Variants in CPAMD8 observed in about 807,000 individuals in gnomAD.
CPAMD8 encodes the protein C3 and PZP-like alpha-2-macroglobulin domain-containing protein 8.
CPAMD8 carries 146 observed loss-of-function variants against 224.7 expected under a neutral mutation model. That is an observed-to-expected ratio of 0.65 (90% confidence interval 0.57 to 0.75). The LOEUF is 0.75. Ranked by LOEUF, CPAMD8 falls within the 30% of genes least tolerant of loss-of-function variation. The pLI is 0.00. For missense variants in CPAMD8, 2,301 were observed against 2,537.5 expected (o/e 0.91, Z 2.00); for synonymous variants, 966 against 1,044.6 (o/e 0.92, Z 1.45).
chr19:16,946,705 T>C (rs1326839194), intron 21 of CPAMD8, among the ~76,000 whole-genome samples: 1 of 147,328 alleles, frequency 6.8e-6, no homozygotes, highest in Non-Finnish European at 1.5e-5. Flanking sequence ...TGTGTGTGGA[T>C]TTGTGGTGTG....
rs1288339469 is a variant in CPAMD8 at position 16,914,646 on chromosome 19, G to A, written c.3786+11C>T. ...GAGGGGCCCGGGAAGGAGGCTCAAG[G>A]GGCCACTCACCTGGATGTCCTTGTT... On this transcript the variant is annotated intron_variant, in intron 28 of 41. Transcript: ENST00000443236. The A allele has an allele frequency of 1.2e-6, 2 of 1,613,808 alleles. No homozygotes were observed. Among genetic ancestry groups the A allele is most frequent in the Admixed American group, 3.3e-5 (2 of 60,000 alleles).
At position 17,009,469 on chromosome 19, in the gene CPAMD8, ACCCC is replaced by A. The variant is rs1366193998; in HGVS notation, c.487-153_487-150del. 3.4e-5 allele frequency: 46 copies of A among 1,361,742 alleles called. 1 individual carries two copies. The highest frequency in any genetic ancestry group is 1.9e-4 in the Middle Eastern group (1 of 5,316). 84.4% of individuals were successfully genotyped at this position (1,361,742 alleles called of 1,614,324 possible). A position where few individuals can be genotyped will look rare whatever the true frequency, so the allele number is the denominator to read the frequency against. On this transcript the variant is annotated intron_variant, in intron 5 of 41. Transcript: ENST00000443236. ...CCTAGATTACATCCGTTGAATCCTA[ACCCC>A]AAGTAGGGTCTTTAGAAAGACTCAT...
intron 10 of CPAMD8, among the ~76,000 whole-genome samples, chr19:16,998,840 A>G (rs2056217858): frequency 6.6e-6 from 1 of 152,212 alleles, no homozygotes; most frequent in Non-Finnish European, 1.5e-5. Flanking sequence ...AGAACCCAAG[A>G]GAAACAAAAA....
chr19:16,968,763 C>A (rs1282231925), intron 18 of CPAMD8, among the ~76,000 whole-genome samples: 3 of 152,122 alleles, frequency 2.0e-5, no homozygotes, highest in Non-Finnish European at 4.4e-5. Flanking sequence ...TCTCAGCCTC[C>A]CAAGTAGCTG....
At chr19:17,001,409 C>T (rs1484926676) in intron 9 of CPAMD8, among the ~76,000 whole-genome samples, 3 of 101,930 alleles carry the variant, frequency 2.9e-5, no homozygotes, top group African/African-American at 4.4e-5. Flanking sequence ...GGGAGGCCTG[C>T]AGAGGGCGGG....
At chr19:16,971,070 A>G in intron 17 of CPAMD8, 37 bp from the exon 18 acceptor site, 1 of 1,555,502 alleles carries the variant, frequency 6.4e-7, no homozygotes, top group Non-Finnish European at 8.7e-7. Context: ...TTGGTGGGGA[A>G]GTGGATGCTG....
intron 17 of CPAMD8, among the ~76,000 whole-genome samples, chr19:16,972,118 A>G (rs975461227): frequency 6.6e-6 from 1 of 152,170 alleles, no homozygotes; most frequent in Admixed American, 6.6e-5. Context: ...TTGGCGCAGT[A>G]CCTGACCCCA....
At chr19:16,969,386 C>T (rs986811680) in intron 18 of CPAMD8, among the ~76,000 whole-genome samples, 11 of 152,136 alleles carry the variant, frequency 7.2e-5, no homozygotes, top group Non-Finnish European at 1.3e-4. Flanking sequence ...AGGGATGCTG[C>T]TCAACACTCT....
chr19:16,931,850 C>T (rs192511430), intron 23 of CPAMD8, among the ~76,000 whole-genome samples: 1 of 152,264 alleles, frequency 6.6e-6, no homozygotes, highest in East Asian at 1.9e-4. Flanking sequence ...CTAAAGAAAT[C>T]ATATGGAGAC....
At position 16,943,006 on chromosome 19, in the gene CPAMD8, TTTTTC is replaced by T. The variant is rs1425711531; in HGVS notation, c.2793+2538_2793+2542del. 5.2e-3 allele frequency among the ~76,000 whole-genome samples: 669 copies of T among 129,386 alleles called. 3 individuals carry two copies. The highest frequency in any genetic ancestry group is 0.02 in the African/African-American group (619 of 30,320). The allele number at this position is 129,386 out of a possible 152,430, so 84.9% of individuals were successfully genotyped here. On this transcript the variant is annotated intron_variant, in intron 22 of 41. Transcript: ENST00000443236. ...TGTGTTTGACTTTTTTCTTTTTTCT[TTTTTC>T]TTTTTTTTTTTTTTGAGACAGGGTC...
intron 18 of CPAMD8, 98 bp from the exon 19 acceptor site, chr19:16,958,013 G>A (rs772699004): frequency 2.8e-5 from 31 of 1,101,810 alleles, no homozygotes; most frequent in East Asian, 1.2e-4. Context: ...GATATAACGC[G>A]TTAATTTCTT....
intron 22 of CPAMD8, among the ~76,000 whole-genome samples, chr19:16,938,840 G>A (rs1051942451): frequency 6.6e-6 from 1 of 152,214 alleles, no homozygotes; most frequent in Non-Finnish European, 1.5e-5. Flanking sequence ...CGTGAGCACT[G>A]TGAGAGGGGC....
chr19:16,993,640 C>T, intron 11 of CPAMD8, 54 bp from the exon 12 acceptor site: 2 of 1,533,528 alleles, frequency 1.3e-6, no homozygotes, highest in Non-Finnish European at 1.8e-6. Context: ...GCTCCCCAAA[C>T]TGATCTGCAG....
chr19:16,965,314 A>G (rs1004850359), intron 18 of CPAMD8, among the ~76,000 whole-genome samples: 4 of 152,118 alleles, frequency 2.6e-5, no homozygotes, highest in African/African-American at 9.7e-5. Flanking sequence ...AAAACTCTCA[A>G]TAAACTAGGT....
intron 25 of CPAMD8, 149 bp from the exon 26 acceptor site, chr19:16,925,521 C>A (rs2053329461): frequency 3.2e-6 from 2 of 630,184 alleles, no homozygotes; most frequent in South Asian, 2.0e-5. Flanking sequence ...CCTGCTCAGA[C>A]CAGCTGGTGT....
At chr19:16,936,570 T>A (rs1345125280) in intron 23 of CPAMD8, among the ~76,000 whole-genome samples, 1 of 151,078 alleles carries the variant, frequency 6.6e-6, no homozygotes, top group African/African-American at 2.4e-5. Flanking sequence ...GCCTGGCTAA[T>A]TTTTTTTTGT....
chr19:17,008,701 G>C, intron 6 of CPAMD8, 142 bp from the exon 7 acceptor site: 1 of 936,552 alleles, frequency 1.1e-6, no homozygotes, highest in East Asian at 2.4e-5. Context: ...TTAACCCCGG[G>C]GCAAAAAAAA....
intron 3 of CPAMD8, among the ~76,000 whole-genome samples, chr19:17,012,161 G>GGT (rs1229633000): frequency 6.6e-6 from 1 of 151,928 alleles, no homozygotes; most frequent in African/African-American, 2.4e-5. Flanking sequence ...TGGGATTACA[G>GGT]GTGTGTGTCA....
At chr19:16,939,068 T>G (rs565915495) in intron 22 of CPAMD8, among the ~76,000 whole-genome samples, 9 of 152,286 alleles carry the variant, frequency 5.9e-5, no homozygotes, top group Admixed American at 4.6e-4. Flanking sequence ...GTGGGGGCCC[T>G]TGGATCAGAC....
Sources: allele counts gnomAD v4.1 joint callset (sites outside exome capture counted in the v4.1 genomes callset), GRCh38; gene constraint gnomAD v4.1.1; transcripts MANE v1.5; gene names NCBI Gene and HGNC (gene_info 2026-07-23, HGNC 2026-07-21).